Variants in UBE2L3 observed in about 807,000 individuals in gnomAD.
UBE2L3 encodes ubiquitin-conjugating enzyme E2 L3.
A neutral mutation model predicts 17.8 loss-of-function variants in UBE2L3; 1 was observed. That is an observed-to-expected ratio of 0.06 (90% CI 0.02 to 0.27). The LOEUF is 0.27. Ranked by LOEUF, UBE2L3 falls within the 10% of genes least tolerant of loss-of-function variation. The pLI is 1.00. For synonymous variants in UBE2L3, 44 were observed against 68.5 expected (o/e 0.64, Z 1.76); for missense variants, 40 against 192.6 (o/e 0.21, Z 4.69).
chr22:21,603,308 A>C (rs1473865285), intron 2 of UBE2L3, among the ~76,000 whole-genome samples: 2 of 151,848 alleles, frequency 1.3e-5, no homozygotes, highest in African/African-American at 2.4e-5. Flanking sequence ...CAGGCGGATC[A>C]CCTGAGGTCA....
At position 21,609,460 on chromosome 22, in the gene UBE2L3, A is replaced by C. The variant is rs529270512; in HGVS notation, c.124-1397A>C. Among the ~76,000 whole-genome samples the C allele has an allele frequency of 3.3e-5, 5 of 152,288 alleles. No individual in the cohort carries two copies. In the South Asian group the frequency reaches 1.0e-3, roughly 32 times the overall value. On this transcript the variant is annotated intron_variant, in intron 2 of 3. Transcript: ENST00000342192. ...AGTGGCTCACACCTGTAATCCTAGT[A>C]CTTTGGGAGGCCGAGACAGGCAGAT...
chr22:21,571,497 C>A (rs980761820), intron 1 of UBE2L3, among the ~76,000 whole-genome samples: 1 of 152,170 alleles, frequency 6.6e-6, no homozygotes, highest in Admixed American at 6.6e-5. Flanking sequence ...CAACCTCTGC[C>A]TCCCAGGTTC....
At chr22:21,597,071 C>T (rs1321084988) in intron 2 of UBE2L3, among the ~76,000 whole-genome samples, 2 of 151,858 alleles carry the variant, frequency 1.3e-5, no homozygotes, top group African/African-American at 4.8e-5. Context: ...CTCTGCCTCC[C>T]GGGTTCAAGT....
At chr22:21,600,718 C>T (rs1317725699) in intron 2 of UBE2L3, among the ~76,000 whole-genome samples, 1 of 151,662 alleles carries the variant, frequency 6.6e-6, no homozygotes, top group African/African-American at 2.4e-5. Context: ...ATATTTGTTG[C>T]CAAAGAACTG....
intron 1 of UBE2L3, among the ~76,000 whole-genome samples, chr22:21,577,737 A>C (rs1457455507): frequency 6.6e-6 from 1 of 152,110 alleles, no homozygotes; most frequent in African/African-American, 2.4e-5. Flanking sequence ...TTTGGTTTTT[A>C]ACACTTCCAG....
rs1930066201 is a variant in UBE2L3, at chr22:21,622,171, C to G, written c.*502C>G. On this transcript the variant is annotated 3_prime_UTR_variant, in exon 4 of 4. Coordinates refer to ENST00000342192, the MANE Select transcript of UBE2L3 (RefSeq NM_003347.4). The stretch of plus-strand genomic sequence containing the variant: ...TTCTTAGCATGTGTGGCACTGTTGC[C>G]CAGTGTGGGAGTTGGTTTAAATTCT... 1 of 154,956 alleles carries G rather than the reference C, an allele frequency of 6.5e-6. No homozygotes were observed. The highest frequency in any genetic ancestry group is 2.4e-5 in the African/African-American group (1 of 41,426). 9.6% of individuals were successfully genotyped at this position (154,956 alleles called of 1,614,324 possible).
Position 21,611,047 on chromosome 22 carries a change from A to C in UBE2L3, c.310+4A>C. ...CCAGCAACCAAAACCGACCAAGGTAAGACATGTGCCTGTGTCTTCCTCGGA... is the reference window on the plus strand; with the variant it reads ...CCAGCAACCAAAACCGACCAAGGTACGACATGTGCCTGTGTCTTCCTCGGA... On this transcript the variant is annotated splice_donor_region_variant and intron_variant, in intron 3 of 3. Transcript: ENST00000342192. 1 of 1,599,196 alleles carries C rather than the reference A, an allele frequency of 6.3e-7. No homozygotes were observed. The highest frequency in any genetic ancestry group is 8.5e-7 in the Non-Finnish European group (1 of 1,173,192).
At chr22:21,618,595 TA>T (rs1435078020) in intron 3 of UBE2L3, among the ~76,000 whole-genome samples, 2 of 150,600 alleles carry the variant, frequency 1.3e-5, no homozygotes, top group East Asian at 1.9e-4. Context: ...ATATATATAT[TA>T]TTTTTTTTTT....
At chr22:21,619,664 ATAT>A (rs1929955699) in intron 3 of UBE2L3, among the ~76,000 whole-genome samples, 1 of 152,250 alleles carries the variant, frequency 6.6e-6, no homozygotes, top group Admixed American at 6.5e-5. Flanking sequence ...ATGCCTTTGC[ATAT>A]GACTCAGCCA....
chr22:21,584,927 C>G (rs1391258867), intron 1 of UBE2L3, among the ~76,000 whole-genome samples: 1 of 152,180 alleles, frequency 6.6e-6, no homozygotes, highest in African/African-American at 2.4e-5. Context: ...CGCCTCCACA[C>G]TCCAGCCTGG....
At chr22:21,590,593 G>C (rs1309535386) in intron 1 of UBE2L3, among the ~76,000 whole-genome samples, 2 of 152,202 alleles carry the variant, frequency 1.3e-5, no homozygotes, top group Non-Finnish European at 2.9e-5. Context: ...ATAAATGTTA[G>C]ATATCTTCAC....
At chr22:21,606,012 G>T (rs1166016801) in intron 2 of UBE2L3, among the ~76,000 whole-genome samples, 1 of 152,220 alleles carries the variant, frequency 6.6e-6, no homozygotes, top group African/African-American at 2.4e-5. Flanking sequence ...AGGCATGTAG[G>T]ACTTTATAGT....
At chr22:21,562,987 T>G (rs1257337002), upstream of UBE2L3, among the ~76,000 whole-genome samples, 1 of 150,268 alleles carries the variant, frequency 6.7e-6, no homozygotes, top group East Asian at 2.1e-4. Context: ...CTCACGCCTG[T>G]AATCCCAGCA....
intron 2 of UBE2L3, among the ~76,000 whole-genome samples, chr22:21,608,784 G>A (rs559146565): frequency 1.2e-5 from 1 of 82,312 alleles, no homozygotes; most frequent in African/African-American, 4.9e-5. Flanking sequence ...GTCTTGTTAT[G>A]TTTCACAAAC....
At chr22:21,576,412 C>G (rs1175450629) in intron 1 of UBE2L3, among the ~76,000 whole-genome samples, 1 of 151,890 alleles carries the variant, frequency 6.6e-6, no homozygotes, top group Non-Finnish European at 1.5e-5. Context: ...ATTCTTCTGC[C>G]TCAGCCTCCC....
intron 3 of UBE2L3, among the ~76,000 whole-genome samples, chr22:21,613,871 A>G (rs1929634243): frequency 6.6e-6 from 1 of 152,248 alleles, no homozygotes; most frequent in African/African-American, 2.4e-5. Flanking sequence ...ACAAGGCTAC[A>G]TTGGACCCCT....
At chr22:21,576,350 T>A (rs1601400676) in intron 1 of UBE2L3, among the ~76,000 whole-genome samples, 1 of 151,412 alleles carries the variant, frequency 6.6e-6, no homozygotes. Flanking sequence ...CATGCTGGAG[T>A]GCAGTGGTGC....
intron 1 of UBE2L3, among the ~76,000 whole-genome samples, chr22:21,576,113 T>A (rs1210977673): frequency 2.2e-5 from 1 of 44,572 alleles, no homozygotes; most frequent in Non-Finnish European, 5.7e-5. Flanking sequence ...TGAAAGCAAC[T>A]TTTTTTTTTT....
At chr22:21,618,535 G>T (rs2148449595) in intron 3 of UBE2L3, among the ~76,000 whole-genome samples, 1 of 151,478 alleles carries the variant, frequency 6.6e-6, no homozygotes, top group Middle Eastern at 3.4e-3. Context: ...CTGTGATTGT[G>T]CCACTAACTC....
Sources: allele counts gnomAD v4.1 joint callset (sites outside exome capture counted in the v4.1 genomes callset), GRCh38; gene constraint gnomAD v4.1.1; transcripts MANE v1.5; gene names NCBI Gene and HGNC (gene_info 2026-07-23, HGNC 2026-07-21).